SHTN1: variants seen among roughly 807,000 people sequenced by gnomAD.
SHTN1 encodes shootin-1.
Under a neutral mutation model 83.1 loss-of-function variants are expected in SHTN1, and 42 were observed. That is an observed-to-expected ratio of 0.51 (90% CI 0.39 to 0.65). SHTN1 has a LOEUF of 0.65. Among genes scored for constraint, SHTN1 ranks in the 30% least tolerant of loss-of-function variants. SHTN1 has a pLI of 0.00. For missense variants in SHTN1, 622 were observed against 737.8 expected (o/e 0.84, Z 1.82); for synonymous variants, 224 against 247.7 (o/e 0.90, Z 0.90).
intron 9 of SHTN1, among the ~76,000 whole-genome samples, chr10:116,932,877 C>T (rs1280960775): frequency 3.3e-5 from 5 of 152,168 alleles, no homozygotes; most frequent in Non-Finnish European, 7.3e-5. Flanking sequence ...TCCTATACCT[C>T]AGCTCAATTC....
chr10:117,091,099 T>C (rs1329731407), intron 1 of SHTN1, among the ~76,000 whole-genome samples: 5 of 152,216 alleles, frequency 3.3e-5, no homozygotes, highest in Non-Finnish European at 7.3e-5. Flanking sequence ...TCTTGACCTC[T>C]GTTCCAAATA....
chr10:117,058,708 A>G (rs538200046), intron 1 of SHTN1, among the ~76,000 whole-genome samples: 2 of 152,334 alleles, frequency 1.3e-5, no homozygotes, highest in South Asian at 2.1e-4. Flanking sequence ...TTGTACACCT[A>G]TGTTCATGGC....
In SHTN1 at chr10:116,886,501, A is replaced by G. The variant is rs755510375; in HGVS notation, c.1739T>C (p.Val580Ala). 3 of 1,614,166 alleles carry G rather than the reference A, an allele frequency of 1.9e-6. No homozygotes were observed. The South Asian group carries it at 3.3e-5, about 18-fold the overall frequency. ...IDGEKQAEPV[V>A]VLDPVSTHEP... is the part of the protein sequence containing the mutation. ...ATGTGTAGAAACAGGATCTAAAACT[A>G]CAACTGGTTCGGCTTGTTTTTCACC... The change falls in exon 17 of 17, where the codon GTA (valine) becomes GCA (alanine). Residue 580 changes from valine to alanine, a missense_variant. Around this residue, in one of 3 missense-constraint regions of SHTN1, gnomAD observed 231 missense variants for 251.6 expected, o/e 0.92. Transcript: ENST00000355371.
intron 2 of SHTN1, among the ~76,000 whole-genome samples, chr10:117,034,349 A>T (rs1387786812): frequency 3.9e-5 from 6 of 152,198 alleles, no homozygotes; most frequent in Admixed American, 6.5e-5. Flanking sequence ...CAGGATACAA[A>T]ATCAACATAT....
intron 9 of SHTN1, among the ~76,000 whole-genome samples, chr10:116,933,409 C>T (rs1046269998): frequency 6.6e-6 from 1 of 151,902 alleles, no homozygotes; most frequent in African/African-American, 2.4e-5. Flanking sequence ...TAAGTGAGTA[C>T]ATGCAGTGTT....
In SHTN1 at chr10:116,881,610, C is replaced by T. The variant is rs1234163410; in HGVS notation, c.*4734G>A. On this transcript the variant is annotated 3_prime_UTR_variant, in exon 17 of 17. Transcript: ENST00000355371. ...TGCTGCGGCTAGGGAGCCGCTGGTG[C>T]CCACCTTCCCCACACAAGGTGTAGA... is the stretch of plus-strand genomic sequence containing the variant. The T allele has an allele frequency of 6.4e-7, 1 of 1,550,398 alleles. No homozygotes were observed. The highest frequency in any genetic ancestry group is 1.2e-5 in the South Asian group (1 of 84,012).
Position 117,005,148 on chromosome 10 carries a change from G to A in SHTN1, c.-69C>T, listed in dbSNP as rs1851969741. ...GCGGGGCACACAGGAGGAGGGGGAA[G>A]AAAAAGCAAGATGCCGGTGGCTTGC... is the stretch of plus-strand genomic sequence containing the variant. On this transcript the variant is annotated 5_prime_UTR_variant, in exon 1 of 17. Coordinates refer to ENST00000355371, the MANE Select transcript of SHTN1 (RefSeq NM_001127211.3). The A allele has an allele frequency of 3.2e-6, 5 of 1,551,756 alleles. No homozygotes were observed. The highest frequency in any genetic ancestry group is 4.4e-6 in the Non-Finnish European group (5 of 1,147,474).
intron 1 of SHTN1, among the ~76,000 whole-genome samples, chr10:117,109,627 C>T (rs1396911826): frequency 3.2e-4 from 35 of 110,890 alleles, no homozygotes; most frequent in African/African-American, 1.1e-3. Flanking sequence ...TGCAATGGCA[C>T]GATCTCAGCT....
chr10:116,991,081 G>T (rs562034219), intron 1 of SHTN1, among the ~76,000 whole-genome samples: 54 of 152,238 alleles, frequency 3.5e-4, no homozygotes, highest in South Asian at 1.0e-3. Context: ...AGCTACTCTG[G>T]AGGCTGAGGC....
chr10:116,998,793 C>T (rs759569164), intron 1 of SHTN1, among the ~76,000 whole-genome samples: 4 of 152,078 alleles, frequency 2.6e-5, no homozygotes, highest in Non-Finnish European at 4.4e-5. Context: ...GAACCCTGTT[C>T]GTTTTATTCG....
At chr10:117,108,865 C>A (rs1478720969) in intron 1 of SHTN1, among the ~76,000 whole-genome samples, 1 of 152,024 alleles carries the variant, frequency 6.6e-6, no homozygotes, top group African/African-American at 2.4e-5. Context: ...GGTACATATG[C>A]CAGCTCTACA....
intron 1 of SHTN1, among the ~76,000 whole-genome samples, chr10:116,982,287 G>C (rs1263507720): frequency 6.6e-6 from 1 of 152,078 alleles, no homozygotes; most frequent in East Asian, 1.9e-4. Flanking sequence ...GAAAATCACA[G>C]AAAACATGCT....
At chr10:116,974,323 T>C (rs1050927578) in intron 2 of SHTN1, among the ~76,000 whole-genome samples, 2 of 152,236 alleles carry the variant, frequency 1.3e-5, no homozygotes, top group East Asian at 3.8e-4. Flanking sequence ...AGAAACTGCA[T>C]GTATGTGGAT....
At chr10:116,958,829 C>CA in intron 4 of SHTN1, among the ~76,000 whole-genome samples, 1 of 152,150 alleles carries the variant, frequency 6.6e-6, no homozygotes, top group East Asian at 1.9e-4. Context: ...TTAACTTGTC[C>CA]AAAATCACAT....
upstream of SHTN1, among the ~76,000 whole-genome samples, chr10:117,009,031 C>T (rs1022331346): frequency 2.0e-5 from 3 of 152,164 alleles, no homozygotes; most frequent in Admixed American, 2.0e-4. Context: ...AGGAGAATCA[C>T]TTGAACTCAG....
At chr10:116,969,947 G>A (rs1467140106) in intron 2 of SHTN1, among the ~76,000 whole-genome samples, 7 of 152,134 alleles carry the variant, frequency 4.6e-5, no homozygotes, top group African/African-American at 1.7e-4. Flanking sequence ...TTCCCTAAGA[G>A]TGCCATATGA....
chr10:117,057,404 A>C (rs535231369), intron 1 of SHTN1, among the ~76,000 whole-genome samples: 1 of 152,256 alleles, frequency 6.6e-6, no homozygotes, highest in South Asian at 2.1e-4. Flanking sequence ...CAAATGTTGG[A>C]GAGCTGGGTT....
Position 117,120,143 on chromosome 10 carries a change from T to TAAGACC in SHTN1, c.-189+6163_-189+6164insGGTCTT, listed in dbSNP as rs71013644. On this transcript the variant is annotated intron_variant, in intron 1 of 17. Transcript: ENST00000392901. ...AGCACAACAGAGTGACTATAGTAAA[T>TAAGACC]AATAAATTGTACATTTAAAAATAAC... 5.2e-3 allele frequency among the ~76,000 whole-genome samples: 797 copies of TAAGACC among 152,044 alleles called. 7 individuals carry two copies. Among genetic ancestry groups the TAAGACC allele is most frequent in the Middle Eastern group, 0.017 (5 of 294 alleles).
At chr10:117,044,385 A>C (rs1365714282) in intron 2 of SHTN1, among the ~76,000 whole-genome samples, 1 of 152,150 alleles carries the variant, frequency 6.6e-6, no homozygotes, top group Non-Finnish European at 1.5e-5. Context: ...CATTACTTAC[A>C]TACTCACCTA....
Sources: gnomAD v4.1 joint callset for allele counts (sites outside exome capture counted in the v4.1 genomes callset) on GRCh38, gnomAD v4.1.1 for gene constraint, gnomAD v4.1.1 regional missense constraint, MANE v1.5 for transcripts, NCBI Gene and HGNC (gene_info 2026-07-23, HGNC 2026-07-21) for gene names.